Variants in IQCK observed in about 807,000 individuals in gnomAD.
The protein encoded by IQCK is IQ motif containing K.
In IQCK, 29 loss-of-function variants were observed where a neutral mutation model predicts 28.1. The ratio of observed to expected loss-of-function variants is 1.03; its 90% CI spans 0.77 to 1.41. IQCK has a LOEUF of 1.41. Among genes scored for constraint, IQCK ranks in the 40% most tolerant of loss-of-function variants. The pLI is 0.00. For synonymous variants in IQCK, 113 were observed against 115.1 expected, an observed-to-expected ratio of 0.98 and a Z score of 0.12; for missense variants, 359 against 314.7, an observed-to-expected ratio of 1.14 and a Z score of -1.07.
intron 6 of IQCK, among the ~76,000 whole-genome samples, chr16:19,773,701 G>C (rs2055348233): frequency 6.6e-6 from 1 of 152,102 alleles, no homozygotes; most frequent in Non-Finnish European, 1.5e-5. Context: ...ACAGGTGGTG[G>C]GCCAGATTTG....
chr16:19,816,988 G>A (rs2141074944), intron 7 of IQCK, among the ~76,000 whole-genome samples: 1 of 152,226 alleles, frequency 6.6e-6, no homozygotes, highest in Admixed American at 6.5e-5. Context: ...TGTAATTTGT[G>A]GAGCTGAGAT....
At chr16:19,732,397 C>T (rs563954529) in intron 2 of IQCK, among the ~76,000 whole-genome samples, 33 of 152,134 alleles carry the variant, frequency 2.2e-4, no homozygotes, top group Non-Finnish European at 3.5e-4. Context: ...GGTGATTGTC[C>T]ACTGGCCGAC....
intron 7 of IQCK, among the ~76,000 whole-genome samples, chr16:19,811,985 A>AT (rs11290117): frequency 0.016 from 2,161 of 131,074 alleles, 42 homozygotes; most frequent in African/African-American, 0.048. Flanking sequence ...AATAGCCTTA[A>AT]TTTTTTTTTT....
At chr16:19,822,183 C>T (rs575108389) in intron 7 of IQCK, among the ~76,000 whole-genome samples, 2 of 150,574 alleles carry the variant, frequency 1.3e-5, no homozygotes, top group East Asian at 2.0e-4. Context: ...GTCAGGGGTT[C>T]GAGACCAGCC....
At chr16:19,764,546 C>G (rs2055199723) in intron 6 of IQCK, among the ~76,000 whole-genome samples, 1 of 152,042 alleles carries the variant, frequency 6.6e-6, no homozygotes, top group African/African-American at 2.4e-5. Flanking sequence ...AACTATTTGA[C>G]CATTCTAATA....
chr16:19,755,238 T>C (rs762153773), intron 4 of IQCK, among the ~76,000 whole-genome samples: 11 of 152,348 alleles, frequency 7.2e-5, no homozygotes, highest in East Asian at 1.9e-4. Context: ...TTAACTGCTG[T>C]TCTTTGTCCC....
At chr16:19,778,573 C>A (rs1302685719) in intron 6 of IQCK, among the ~76,000 whole-genome samples, 1 of 152,046 alleles carries the variant, frequency 6.6e-6, no homozygotes, top group Non-Finnish European at 1.5e-5. Flanking sequence ...GAGAGTATCA[C>A]TTGGACCTGG....
intron 7 of IQCK, chr16:19,819,552 T>A: frequency 6.3e-6 from 1 of 159,102 alleles, no homozygotes; most frequent in Non-Finnish European, 1.4e-5. Flanking sequence ...ACTTAGAATG[T>A]ATTCTATAGA....
intron 4 of IQCK, among the ~76,000 whole-genome samples, chr16:19,753,757 T>G (rs193213495): frequency 6.6e-6 from 1 of 152,084 alleles, no homozygotes; most frequent in East Asian, 2.0e-4. Flanking sequence ...GTGATATAAC[T>G]GAGGAGGACT....
rs553505181 is a variant in IQCK, at chr16:19,785,243, C to T, written c.606-3595C>T. Among the ~76,000 whole-genome samples the T allele has an allele frequency of 2.0e-5, 3 of 152,306 alleles. No homozygotes were observed. In the South Asian group the frequency reaches 6.2e-4, roughly 32 times the overall value. Reference sequence around the variant, plus strand: ...GCAGAGCATGTGCTGGGTTTTAGCACCCTTTGGCCGATCTGCTGGGTGCCC... The same window carrying T: ...GCAGAGCATGTGCTGGGTTTTAGCATCCTTTGGCCGATCTGCTGGGTGCCC... On this transcript the variant is annotated intron_variant, in intron 6 of 7. Coordinates refer to ENST00000564186, the Ensembl canonical transcript of IQCK.
At chr16:19,815,675 AC>A (rs1597583902) in intron 7 of IQCK, among the ~76,000 whole-genome samples, 1 of 152,302 alleles carries the variant, frequency 6.6e-6, no homozygotes, top group Non-Finnish European at 1.5e-5. Flanking sequence ...TGTCTCAAAA[AC>A]CAAAAACAAA....
intron 9 of IQCK, among the ~76,000 whole-genome samples, chr16:19,841,728 A>G (rs1049001835): frequency 1.3e-5 from 2 of 152,238 alleles, no homozygotes; most frequent in African/African-American, 2.4e-5. Flanking sequence ...CAATGGAAAT[A>G]AAAGCATCCC....
intron 7 of IQCK, among the ~76,000 whole-genome samples, chr16:19,821,520 T>C (rs912390810): frequency 3.9e-5 from 6 of 152,088 alleles, no homozygotes; most frequent in Admixed American, 1.3e-4. Flanking sequence ...GCCAACATGG[T>C]GAAACCCCGT....
At chr16:19,832,841 TGA>T (rs938888022) in intron 9 of IQCK, among the ~76,000 whole-genome samples, 2 of 148,368 alleles carry the variant, frequency 1.3e-5, no homozygotes, top group Non-Finnish European at 3.0e-5. Context: ...AGAGAGAGAG[TGA>T]GGGGGGAACT....
chr16:19,757,412 C>T (rs1329411245), intron 4 of IQCK, among the ~76,000 whole-genome samples: 1 of 152,220 alleles, frequency 6.6e-6, no homozygotes, highest in Non-Finnish European at 1.5e-5. Flanking sequence ...GTGGCTCATG[C>T]CTGTAATCCC....
At chr16:19,757,207 T>C (rs976886614) in intron 4 of IQCK, among the ~76,000 whole-genome samples, 3 of 152,150 alleles carry the variant, frequency 2.0e-5, no homozygotes, top group Non-Finnish European at 4.4e-5. Context: ...ACTCACAGCA[T>C]GTGCTTTTGA....
Position 19,797,289 on chromosome 16 carries a change from T to C in IQCK, c.690+8367T>C, listed in dbSNP as rs190080717. ...AAAAAAACCTTGCTTTCTTGTGAGG[T>C]TCAAATATAAGGTTCTTATGGGCCA... On this transcript the variant is annotated intron_variant, in intron 7 of 7. Coordinates refer to ENST00000564186, the Ensembl canonical transcript of IQCK. Among the ~76,000 whole-genome samples, 313 of 114,240 alleles carry C rather than the reference T, an allele frequency of 2.7e-3. 53 individuals carry two copies. Among genetic ancestry groups the C allele is most frequent in the Admixed American group, 4.7e-3 (62 of 13,238 alleles). 74.9% of individuals were successfully genotyped at this position (114,240 alleles called of 152,430 possible).
At chr16:19,730,583 G>C in intron 2 of IQCK, 89 bp downstream of exon 2, 1 of 1,022,360 alleles carries the variant, frequency 9.8e-7, no homozygotes, top group Non-Finnish European at 1.4e-6. Context: ...GTGTCACTGA[G>C]TTCAGGAGGT....
intron 1 of IQCK, among the ~76,000 whole-genome samples, chr16:19,727,588 C>T (rs538018007): frequency 3.1e-5 from 4 of 128,184 alleles, no homozygotes; most frequent in Admixed American, 1.4e-4. Flanking sequence ...CTTTGTCACC[C>T]CCCCCCCCCA....
Sources: allele counts gnomAD v4.1 joint callset (sites outside exome capture counted in the v4.1 genomes callset), GRCh38; gene constraint gnomAD v4.1.1; transcripts MANE v1.5; gene names NCBI Gene and HGNC (gene_info 2026-07-23, HGNC 2026-07-21).